Variants in RNLS observed in about 807,000 individuals in gnomAD.
RNLS encodes the protein renalase.
In RNLS, 39 loss-of-function variants were observed where a neutral mutation model predicts 39.8. That is an observed-to-expected ratio of 0.98 (90% CI 0.76 to 1.28). The LOEUF is 1.28. Among genes scored for constraint, RNLS ranks in the 50% most tolerant of loss-of-function variants. The pLI is 0.00. For missense variants in RNLS, 410 were observed against 413.3 expected (o/e 0.99, Z 0.07); for synonymous variants, 147 against 150.7 (o/e 0.98, Z 0.18).
At chr10:88,513,067 T>C (rs1454415077) in intron 4 of RNLS, among the ~76,000 whole-genome samples, 1 of 152,092 alleles carries the variant, frequency 6.6e-6, no homozygotes, top group East Asian at 1.9e-4. Flanking sequence ...TGAATGCACA[T>C]GATTCAAAAT....
the RNLS span, among the ~76,000 whole-genome samples, chr10:88,260,064 A>G: frequency 2.6e-5 from 4 of 152,204 alleles, no homozygotes; most frequent in African/African-American, 9.7e-5. Context: ...AAGGAAAAAA[A>G]GAATTTGGTT....
chr10:88,363,661 T>C (rs1390354061), intron 4 of RNLS, among the ~76,000 whole-genome samples: 3 of 151,994 alleles, frequency 2.0e-5, no homozygotes, highest in Non-Finnish European at 4.4e-5. Context: ...AACACAGACA[T>C]GCAAAGAAAT....
intron 4 of RNLS, among the ~76,000 whole-genome samples, chr10:88,373,929 C>G (rs1481035359): frequency 6.6e-6 from 1 of 151,994 alleles, no homozygotes; most frequent in African/African-American, 2.4e-5. Context: ...GTATAAATAA[C>G]TGTATAATAA....
intron 6 of RNLS, among the ~76,000 whole-genome samples, chr10:88,293,249 C>T (rs1031289115): frequency 3.3e-5 from 5 of 152,166 alleles, no homozygotes; most frequent in African/African-American, 1.2e-4. Flanking sequence ...ATTGACCATA[C>T]TGGCAATAAT....
intron 4 of RNLS, among the ~76,000 whole-genome samples, chr10:88,541,308 C>A (rs748926456): frequency 1.3e-5 from 2 of 152,174 alleles, no homozygotes; most frequent in Non-Finnish European, 2.9e-5. Context: ...TGTCTTAACT[C>A]CTTTTCACTA....
intron 6 of RNLS, among the ~76,000 whole-genome samples, chr10:88,286,922 C>T (rs1367365363): frequency 6.6e-6 from 1 of 151,550 alleles, no homozygotes; most frequent in East Asian, 1.9e-4. Context: ...TTCCTGGTAG[C>T]TAGGACTGTA....
chr10:88,482,632 G>A (rs1844258977), intron 4 of RNLS, among the ~76,000 whole-genome samples: 1 of 151,804 alleles, frequency 6.6e-6, no homozygotes, highest in Admixed American at 6.6e-5. Flanking sequence ...TGAAGTCCTT[G>A]TCTACAAAAT....
At chr10:88,414,242 G>GT (rs1228051148) in intron 4 of RNLS, among the ~76,000 whole-genome samples, 2 of 127,678 alleles carry the variant, frequency 1.6e-5, no homozygotes, top group Admixed American at 7.5e-5. Context: ...AAAAAAAGTG[G>GT]TAAAAAAAAA....
chr10:88,519,383 A>C (rs892251855), intron 4 of RNLS, among the ~76,000 whole-genome samples: 2 of 151,876 alleles, frequency 1.3e-5, no homozygotes, highest in Non-Finnish European at 2.9e-5. Context: ...AGGCATAATT[A>C]TCATTCCCTT....
At chr10:88,363,022 C>T (rs996671944) in intron 4 of RNLS, among the ~76,000 whole-genome samples, 2 of 152,184 alleles carry the variant, frequency 1.3e-5, no homozygotes, top group Non-Finnish European at 2.9e-5. Flanking sequence ...AGTCCTTGGA[C>T]TGTCTGGCCA....
intron 4 of RNLS, among the ~76,000 whole-genome samples, chr10:88,486,530 C>T (rs1001704631): frequency 6.6e-6 from 1 of 150,920 alleles, no homozygotes; most frequent in Admixed American, 6.6e-5. Context: ...GAAAAAAAAA[C>T]CATTAAAAAG....
chr10:88,222,687 A>G, the RNLS span, among the ~76,000 whole-genome samples: 1 of 103,002 alleles, frequency 9.7e-6, no homozygotes, highest in Admixed American at 1.0e-4. Flanking sequence ...TCAAATCACC[A>G]TGAGAGGTAA....
the RNLS span, among the ~76,000 whole-genome samples, chr10:88,173,958 A>G: frequency 2.6e-5 from 4 of 151,602 alleles, no homozygotes; most frequent in African/African-American, 9.7e-5. Context: ...CATTGTAGAG[A>G]TCTTTAACCT....
At chr10:88,446,781 T>A (rs10736354) in intron 4 of RNLS, among the ~76,000 whole-genome samples, 1 of 152,122 alleles carries the variant, frequency 6.6e-6, no homozygotes, top group Non-Finnish European at 1.5e-5. Context: ...ACTGGCAAAC[T>A]GAATCCAGCA....
chr10:88,544,077 C>T lies in RNLS; in HGVS notation c.526+28826G>A, dbSNP rs1589986716. 2.6e-5 allele frequency among the ~76,000 whole-genome samples: 4 copies of T among 152,128 alleles called. 1 individual carries two copies. Reference sequence around the variant, plus strand: ...ACTTTGGGCAAGCTACTTACCTTTTCCATACTTAAGTTCATCAGGTAAATG... The same window carrying T: ...ACTTTGGGCAAGCTACTTACCTTTTTCATACTTAAGTTCATCAGGTAAATG... On this transcript the variant is annotated intron_variant, in intron 4 of 6. Coordinates refer to ENST00000331772, the MANE Select transcript of RNLS (RefSeq NM_001031709.3).
chr10:88,516,338 C>T (rs980638979), intron 4 of RNLS, among the ~76,000 whole-genome samples: 1 of 151,966 alleles, frequency 6.6e-6, no homozygotes. Context: ...AATTATAATT[C>T]TTTATTTTCC....
chr10:88,398,489 G>A (rs187322434), intron 4 of RNLS, among the ~76,000 whole-genome samples: 1 of 152,018 alleles, frequency 6.6e-6, no homozygotes, highest in East Asian at 1.9e-4. Flanking sequence ...TGGGCTGGTG[G>A]TTTACTATAT....
intron 4 of RNLS, among the ~76,000 whole-genome samples, chr10:88,514,750 C>T (rs1392382529): frequency 2.0e-5 from 3 of 152,010 alleles, no homozygotes. Context: ...AGATTTCCTT[C>T]TTTTTTAACA....
chr10:88,529,554 T>C (rs1847298201), intron 4 of RNLS, among the ~76,000 whole-genome samples: 1 of 152,232 alleles, frequency 6.6e-6, no homozygotes, highest in Admixed American at 6.5e-5. Flanking sequence ...ATTGTATATG[T>C]GTGTAATGAT....
Sources: allele counts gnomAD v4.1 joint callset (sites outside exome capture counted in the v4.1 genomes callset), GRCh38; gene constraint gnomAD v4.1.1; transcripts MANE v1.5; gene names NCBI Gene and HGNC (gene_info 2026-07-23, HGNC 2026-07-21).